HMCN1: variants seen among roughly 807,000 people sequenced by gnomAD.
HMCN1 encodes hemicentin 1, also known as hemicentin-1.
Under a neutral mutation model 625.9 loss-of-function variants are expected in HMCN1, and 321 were observed. The ratio of observed to expected loss-of-function variants is 0.51; its 90% confidence interval spans 0.47 to 0.56. The LOEUF (loss-of-function observed/expected upper bound fraction) is 0.56, where lower values mean the gene tolerates loss of function less well. HMCN1 is among the 20% of genes least tolerant of loss of function. HMCN1 has a pLI of 0.00. For missense variants in HMCN1, 6,588 were observed against 6,887.3 expected (o/e 0.96, Z 1.54); for synonymous variants, 2,425 against 2,417.6 (o/e 1.00, Z -0.09).
intron 30 of HMCN1, among the ~76,000 whole-genome samples, chr1:186,013,207 C>T (rs180980604): frequency 6.6e-6 from 1 of 152,252 alleles, no homozygotes; most frequent in Admixed American, 6.5e-5. Context: ...ATGAATGTGA[C>T]TGTATCCCAA....
intron 2 of HMCN1, among the ~76,000 whole-genome samples, chr1:185,858,371 T>C (rs758405329): frequency 4.6e-5 from 7 of 152,132 alleles, no homozygotes; most frequent in Non-Finnish European, 8.8e-5. Flanking sequence ...TTTCTTCTAT[T>C]TGGTATTCAG....
At chr1:186,146,071 T>C in intron 93 of HMCN1, 148 bp downstream of exon 93, 1 of 818,190 alleles carries the variant, frequency 1.2e-6, no homozygotes, top group African/African-American at 1.7e-5. Flanking sequence ...ATTGGTACAG[T>C]TCTGTATCAA....
At position 186,016,994 on chromosome 1, in the gene HMCN1, A is replaced by C; in HGVS notation, c.5223A>C (p.Thr1741=). Residue 1741 remains threonine (T), a synonymous_variant, in exon 33 of 107, where the codon ACA becomes ACC. Transcript: ENST00000271588. ...CAGCTATAGAAGGAGGAGATGAAAC[A>C]TCTTACTTCATTGTGATGGTTAATA... is the stretch of plus-strand genomic sequence containing the variant. ...VPPAIEGGDE[T]SYFIVMVNNL... 1 of 1,608,364 alleles carries C rather than the reference A, an allele frequency of 6.2e-7. No individual in the cohort carries two copies. Among genetic ancestry groups the C allele is most frequent in the Non-Finnish European group, 8.5e-7 (1 of 1,175,084 alleles).
At chr1:185,865,997 A>C in intron 4 of HMCN1, 134 bp downstream of exon 4, 2 of 772,836 alleles carry the variant, frequency 2.6e-6, no homozygotes, top group South Asian at 3.1e-5. Flanking sequence ...ACAGTTCAAT[A>C]AAGGCATTGA....
At chr1:186,056,462 G>A (rs1657327242) in intron 45 of HMCN1, among the ~76,000 whole-genome samples, 2 of 151,926 alleles carry the variant, frequency 1.3e-5, no homozygotes, top group Admixed American at 6.6e-5. Context: ...GAAAAGATGA[G>A]TGATTCATAT....
intron 11 of HMCN1, among the ~76,000 whole-genome samples, chr1:185,951,637 T>G (rs1668680647): frequency 6.6e-6 from 1 of 151,368 alleles, no homozygotes; most frequent in Admixed American, 6.6e-5. Context: ...GCTCTGGGAG[T>G]GGCTGCCAGG....
Position 186,128,786 on chromosome 1 carries a change from C to T in HMCN1, c.12904+495C>T, listed in dbSNP as rs142336716. 4.2e-3 allele frequency among the ~76,000 whole-genome samples: 643 copies of T among 152,122 alleles called. 20 individuals are homozygous for T. Among genetic ancestry groups the T allele is most frequent in the Admixed American group, 0.035 (532 of 15,264 alleles). ...CTACAAGTTAAGGTCGTGTCTGGAA[C>T]CCAGGAGCACCCATCCCTGGGTGAA... On this transcript the variant is annotated intron_variant, in intron 83 of 106. Coordinates refer to ENST00000271588, the MANE Select transcript of HMCN1 (RefSeq NM_031935.3).
intron 63 of HMCN1, among the ~76,000 whole-genome samples, chr1:186,090,173 G>A (rs192158771): frequency 5.4e-4 from 48 of 88,888 alleles, no homozygotes; most frequent in African/African-American, 2.5e-3. Flanking sequence ...TTTTTATTAC[G>A]CAATATTTCT....
At position 185,741,983 on chromosome 1, in the gene HMCN1, T is replaced by C. The variant is rs1385645458; in HGVS notation, c.268+6936T>C. On this transcript the variant is annotated intron_variant, in intron 1 of 106. Coordinates refer to ENST00000271588, the MANE Select transcript of HMCN1 (RefSeq NM_031935.3). ...TGAAATACAAATATAAATATATTGC[T>C]GTGTCCAACTACCGGAATGGTTGCT... Among the ~76,000 whole-genome samples the C allele has an allele frequency of 2.6e-5, 4 of 152,220 alleles. No homozygotes were observed. The East Asian group carries it at 7.7e-4, about 29-fold the overall frequency.
At chr1:185,901,313 T>G (rs1160009338) in intron 4 of HMCN1, among the ~76,000 whole-genome samples, 1 of 151,808 alleles carries the variant, frequency 6.6e-6, no homozygotes, top group Non-Finnish European at 1.5e-5. Context: ...CTCTCTTTCT[T>G]CTTCCCTTCC....
chr1:185,882,564 A>G (rs1664375414), intron 4 of HMCN1, among the ~76,000 whole-genome samples: 1 of 152,118 alleles, frequency 6.6e-6, no homozygotes, highest in Non-Finnish European at 1.5e-5. Flanking sequence ...CCACAAAAAA[A>G]TGAAATTGTT....
At chr1:186,126,361 C>T (rs1451897513) in intron 82 of HMCN1, among the ~76,000 whole-genome samples, 1 of 151,746 alleles carries the variant, frequency 6.6e-6, no homozygotes, top group African/African-American at 2.4e-5. Flanking sequence ...CATCAGGGAA[C>T]AAAAGAAACA....
Position 186,106,970 on chromosome 1 carries a change from A to G in HMCN1, c.10852+5A>G. 1.3e-6 allele frequency: 2 copies of G among 1,571,860 alleles called. No individual in the cohort carries two copies. Among genetic ancestry groups the G allele is most frequent in the Non-Finnish European group, 1.8e-6 (2 of 1,141,520 alleles). On this transcript the variant is annotated splice_donor_5th_base_variant and intron_variant, in intron 70 of 106. Transcript: ENST00000271588. ...AATATCTAGTGAGAGTGCATGGTAA[A>G]TTTGACAAAATATCCTACAGTCTAT...
At chr1:185,943,537 G>A (rs1034112314) in intron 11 of HMCN1, among the ~76,000 whole-genome samples, 5 of 152,166 alleles carry the variant, frequency 3.3e-5, no homozygotes, top group Non-Finnish European at 5.9e-5. Context: ...TATGACTCAG[G>A]TACAGTCAGA....
chr1:186,010,607 T>C (rs1653937552), intron 30 of HMCN1, among the ~76,000 whole-genome samples: 1 of 152,178 alleles, frequency 6.6e-6, no homozygotes, highest in African/African-American at 2.4e-5. Flanking sequence ...TTATGCAATT[T>C]GAGCCAAAGT....
chr1:185,894,803 A>G (rs1334549512), intron 4 of HMCN1, among the ~76,000 whole-genome samples: 1 of 152,234 alleles, frequency 6.6e-6, no homozygotes, highest in South Asian at 2.1e-4. Flanking sequence ...GAAGACAAGT[A>G]CTTTAGATTG....
At position 186,082,874 on chromosome 1, in the gene HMCN1, A is replaced by G; in HGVS notation, c.8797A>G (p.Thr2933Ala). The change falls in exon 57 of 107, where the codon ACT becomes GCT. Residue 2933 changes from threonine (T) to alanine (A), a missense_variant. Coordinates refer to ENST00000271588, the MANE Select transcript of HMCN1 (RefSeq NM_031935.3). ...TTCATTTTTCCCTTAGATTCTGAAT[A>G]CTCAAATAACAGATATCGGCAGGTA... ...SNGRILQILN[T>A]QITDIGRYVC... 1 of 1,573,044 alleles carries G rather than the reference A, an allele frequency of 6.4e-7. No homozygotes were observed. The highest frequency in any genetic ancestry group is 8.6e-7 in the Non-Finnish European group (1 of 1,157,062).
At chr1:186,080,062 G>A (rs1426645238) in intron 55 of HMCN1, among the ~76,000 whole-genome samples, 2 of 152,150 alleles carry the variant, frequency 1.3e-5, no homozygotes, top group South Asian at 2.1e-4. Flanking sequence ...GTTGGGTGGT[G>A]ATAGTCTCAT....
intron 40 of HMCN1, among the ~76,000 whole-genome samples, chr1:186,041,955 C>G (rs1656238233): frequency 6.6e-6 from 1 of 151,882 alleles, no homozygotes; most frequent in African/African-American, 2.4e-5. Context: ...AAATTTTTAC[C>G]TCCAGACAAT....
Sources: gnomAD v4.1 joint callset for allele counts (sites outside exome capture counted in the v4.1 genomes callset) on GRCh38, gnomAD v4.1.1 for gene constraint, MANE v1.5 for transcripts, NCBI Gene and HGNC (gene_info 2026-07-23, HGNC 2026-07-21) for gene names.